B4GALT5: variants seen among roughly 807,000 people sequenced by gnomAD.
B4GALT5 encodes the protein UDP-Gal:beta-GlcNAc beta-1,4-galactosyltransferase 5.
B4GALT5 carries 11 observed loss-of-function variants against 45.0 expected under a neutral mutation model. That is an observed-to-expected ratio of 0.24 (90% CI 0.15 to 0.40). The LOEUF is 0.40. B4GALT5 is among the 10% of genes least tolerant of loss of function. The probability of loss-of-function intolerance (pLI) is 1.00; values close to 1 mark genes in which losing one functional copy is unlikely to be tolerated. For missense variants in B4GALT5, 337 were observed against 500.2 expected, an observed-to-expected ratio of 0.67 and a Z score of 3.11; for synonymous variants, 185 against 182.9, an observed-to-expected ratio of 1.01 and a Z score of -0.09.
chr20:49,637,511 A>G (rs2085559199), intron 7 of B4GALT5, 69 bp from the exon 8 acceptor site: 1 of 1,153,328 alleles, frequency 8.7e-7, no homozygotes, highest in African/African-American at 1.5e-5. Context: ...AAAGCCTACA[A>G]GACATGTTAC....
chr20:49,707,235 C>A (rs1454755704), intron 1 of B4GALT5, among the ~76,000 whole-genome samples: 3 of 152,146 alleles, frequency 2.0e-5, no homozygotes, highest in East Asian at 3.8e-4. Flanking sequence ...CATAAAACAT[C>A]ACCAAAGTCC....
Position 49,633,732 on chromosome 20 carries a change from T to TA in B4GALT5, c.*2579dup, listed in dbSNP as rs1441811359. On this transcript the variant is annotated 3_prime_UTR_variant, in exon 9 of 9. Coordinates refer to ENST00000371711, the MANE Select transcript of B4GALT5 (RefSeq NM_004776.4). ...GTACTTGATGGTAATTATGGCAACA[T>TA]AGAGCTTCAAACAAGATCGCCTGAC... 4 of 152,352 alleles carry TA rather than the reference T, an allele frequency of 2.6e-5. No homozygotes were observed. Among genetic ancestry groups the TA allele is most frequent in the African/African-American group, 4.8e-5 (2 of 41,442 alleles). 9.4% of individuals were successfully genotyped at this position (152,352 alleles called of 1,614,324 possible). A position where few individuals can be genotyped will look rare whatever the true frequency, so the allele number is the denominator to read the frequency against.
intron 1 of B4GALT5, among the ~76,000 whole-genome samples, chr20:49,670,727 C>G (rs1161278516): frequency 3.3e-5 from 5 of 152,150 alleles, no homozygotes; most frequent in Non-Finnish European, 7.4e-5. Context: ...AGACTGATAC[C>G]TGTTCTACCA....
chr20:49,701,512 C>T (rs904664143), intron 1 of B4GALT5, among the ~76,000 whole-genome samples: 9 of 152,188 alleles, frequency 5.9e-5, no homozygotes, highest in Non-Finnish European at 1.2e-4. Context: ...TCACGCCCCT[C>T]CTAGTCATCT....
chr20:49,645,684 G>C (rs1391765110), intron 3 of B4GALT5, among the ~76,000 whole-genome samples: 5 of 152,048 alleles, frequency 3.3e-5, no homozygotes, highest in African/African-American at 1.2e-4. Flanking sequence ...GGGAGGCAGA[G>C]GTTGCAGTGA....
intron 1 of B4GALT5, among the ~76,000 whole-genome samples, chr20:49,691,841 A>G (rs2085813939): frequency 6.6e-6 from 1 of 152,176 alleles, no homozygotes; most frequent in Non-Finnish European, 1.5e-5. Context: ...TGAATGTATT[A>G]TTTTTAAAAT....
chr20:49,655,188 T>C (rs1000885908), intron 2 of B4GALT5, among the ~76,000 whole-genome samples: 4 of 151,118 alleles, frequency 2.6e-5, no homozygotes, highest in African/African-American at 7.3e-5. Flanking sequence ...CCCAACACTT[T>C]GGGAGGCCGA....
chr20:49,651,362 G>A (rs566274729), intron 2 of B4GALT5, among the ~76,000 whole-genome samples: 189 of 151,942 alleles, frequency 1.2e-3, no homozygotes, highest in African/African-American at 4.4e-3. Flanking sequence ...GCCAAGGCAG[G>A]TGGATCACCT....
intron 3 of B4GALT5, 75 bp downstream of exon 3, chr20:49,646,890 A>T (rs1361691033): frequency 1.2e-6 from 1 of 863,214 alleles, no homozygotes; most frequent in Non-Finnish European, 1.8e-6. Context: ...CTCTGCAGGC[A>T]GACAGAGAGA....
chr20:49,664,109 C>A (rs993920043), intron 1 of B4GALT5, among the ~76,000 whole-genome samples: 8 of 152,086 alleles, frequency 5.3e-5, no homozygotes, highest in Non-Finnish European at 4.4e-5. Context: ...CTCAACTCAG[C>A]AACCCCAATA....
At chr20:49,661,538 T>C (rs555148499) in intron 1 of B4GALT5, among the ~76,000 whole-genome samples, 2 of 152,300 alleles carry the variant, frequency 1.3e-5, no homozygotes, top group African/African-American at 4.8e-5. Context: ...CCCAGCTAAC[T>C]TTGAAAATTC....
chr20:49,638,825 G>C (rs2085564403), intron 7 of B4GALT5, among the ~76,000 whole-genome samples: 1 of 151,978 alleles, frequency 6.6e-6, no homozygotes, highest in South Asian at 2.1e-4. Context: ...ACTCTAAATA[G>C]TGGAAAATGG....
chr20:49,702,615 G>A (rs1469637785), intron 1 of B4GALT5, among the ~76,000 whole-genome samples: 1 of 152,080 alleles, frequency 6.6e-6, no homozygotes, highest in African/African-American at 2.4e-5. Context: ...AGCACTCTGG[G>A]AGGCGGGGGT....
At chr20:49,661,122 T>C (rs548422150) in intron 1 of B4GALT5, among the ~76,000 whole-genome samples, 1 of 152,370 alleles carries the variant, frequency 6.6e-6, no homozygotes, top group South Asian at 2.1e-4. Context: ...TATTTTAGAT[T>C]AGGAAGTCAA....
chr20:49,672,784 G>A (rs566195404), intron 1 of B4GALT5, among the ~76,000 whole-genome samples: 1 of 152,014 alleles, frequency 6.6e-6, no homozygotes, highest in South Asian at 2.1e-4. Flanking sequence ...GCTTGGCCTC[G>A]ACCTCCGCAA....
At chr20:49,674,565 C>A (rs962014379) in intron 1 of B4GALT5, among the ~76,000 whole-genome samples, 2 of 151,642 alleles carry the variant, frequency 1.3e-5, no homozygotes. Flanking sequence ...CTGAATAAGC[C>A]AGCCGCAGGA....
intron 1 of B4GALT5, among the ~76,000 whole-genome samples, chr20:49,707,229 A>G (rs559177668): frequency 6.6e-6 from 1 of 152,176 alleles, no homozygotes; most frequent in East Asian, 1.9e-4. Context: ...AGAGAACATA[A>G]AACATCACCA....
At chr20:49,703,706 C>T (rs765005918) in intron 1 of B4GALT5, among the ~76,000 whole-genome samples, 4 of 126,390 alleles carry the variant, frequency 3.2e-5, no homozygotes, top group East Asian at 2.2e-4. Context: ...CTGGCTAACA[C>T]GGCAAAGCCG....
intron 1 of B4GALT5, among the ~76,000 whole-genome samples, chr20:49,690,866 A>G (rs1463396790): frequency 6.6e-6 from 1 of 152,172 alleles, no homozygotes; most frequent in African/African-American, 2.4e-5. Context: ...CAATTTATCT[A>G]TAATTTATAT....
Sources: allele counts gnomAD v4.1 joint callset (sites outside exome capture counted in the v4.1 genomes callset), GRCh38; gene constraint gnomAD v4.1.1; transcripts MANE v1.5; gene names NCBI Gene and HGNC (gene_info 2026-07-23, HGNC 2026-07-21).